QTMAN: variants seen among roughly 807,000 people sequenced by gnomAD.
The protein encoded by QTMAN is tRNA-queuosine alpha-mannosyltransferase.
the QTMAN span, among the ~76,000 whole-genome samples, chr2:143,998,921 T>C: frequency 6.6e-6 from 1 of 152,052 alleles, no homozygotes; most frequent in African/African-American, 2.4e-5. Context: ...CTATCTGTCA[T>C]TCGATAAACT....
At chr2:143,999,346 G>A in the QTMAN span, among the ~76,000 whole-genome samples, 1 of 151,646 alleles carries the variant, frequency 6.6e-6, no homozygotes, top group East Asian at 1.9e-4. Context: ...GGCATCACTA[G>A]AGAAATATAA....
At chr2:143,946,914 G>T in the QTMAN span, 1 of 628,034 alleles carries the variant, frequency 1.6e-6, no homozygotes, top group Non-Finnish European at 2.8e-6. Flanking sequence ...AGATGGCTCT[G>T]TGTCAGCTAT....
At chr2:144,145,082 T>A in the QTMAN span, among the ~76,000 whole-genome samples, 3 of 148,582 alleles carry the variant, frequency 2.0e-5, no homozygotes, top group Non-Finnish European at 4.5e-5. Context: ...GGATTCATTG[T>A]CCATAGTCTT....
chr2:144,061,686 C>A, the QTMAN span, among the ~76,000 whole-genome samples: 1 of 152,144 alleles, frequency 6.6e-6, no homozygotes, highest in South Asian at 2.1e-4. Flanking sequence ...AAACCCCACC[C>A]TCAAGCCTGG....
chr2:144,016,081 G>A, the QTMAN span, among the ~76,000 whole-genome samples: 3 of 152,064 alleles, frequency 2.0e-5, no homozygotes, highest in Non-Finnish European at 4.4e-5. Context: ...GTCAGTGAAC[G>A]ATTCACTGTG....
the QTMAN span, among the ~76,000 whole-genome samples, chr2:144,269,359 A>G: frequency 6.6e-6 from 1 of 152,232 alleles, no homozygotes; most frequent in Non-Finnish European, 1.5e-5. Context: ...TTCAAAAGAA[A>G]AGAGGAGAGA....
the QTMAN span, among the ~76,000 whole-genome samples, chr2:144,323,694 A>C: frequency 2.0e-5 from 3 of 152,226 alleles, no homozygotes. Flanking sequence ...CCAAATCCAC[A>C]GTGAATATCC....
At chr2:144,124,198 G>A in the QTMAN span, among the ~76,000 whole-genome samples, 1 of 152,100 alleles carries the variant, frequency 6.6e-6, no homozygotes, top group African/African-American at 2.4e-5. Context: ...TAGTTTATAA[G>A]AAGCAAGTGC....
chr2:144,016,801 C>T, the QTMAN span, among the ~76,000 whole-genome samples: 6 of 151,856 alleles, frequency 4.0e-5, no homozygotes, highest in South Asian at 6.2e-4. Context: ...AATACTATGG[C>T]GGAAAAAGGG....
the QTMAN span, chr2:144,141,891 T>A: frequency 1.2e-6 from 2 of 1,609,848 alleles, no homozygotes; most frequent in Non-Finnish European, 1.7e-6. Flanking sequence ...CCTGCTCACA[T>A]CAGGAAACCT....
chr2:144,002,017 A>C, the QTMAN span, among the ~76,000 whole-genome samples: 1 of 151,888 alleles, frequency 6.6e-6, no homozygotes, highest in Non-Finnish European at 1.5e-5. Flanking sequence ...AACTATTTTC[A>C]TAAGGATAAC....
the QTMAN span, among the ~76,000 whole-genome samples, chr2:144,293,226 T>C: frequency 8.0e-4 from 121 of 152,192 alleles, no homozygotes; most frequent in Middle Eastern, 3.4e-3. Context: ...AGAAAAACCA[T>C]AGAGATGCAT....
chr2:143,941,707 A>C, the QTMAN span: 1 of 151,692 alleles, frequency 6.6e-6, no homozygotes, highest in Non-Finnish European at 1.5e-5. Context: ...TGGCCACACT[A>C]CATAGTCTCT....
chr2:144,005,929 G>C, the QTMAN span: 1 of 152,070 alleles, frequency 6.6e-6, no homozygotes, highest in Admixed American at 6.6e-5. Flanking sequence ...TGATTTTCCT[G>C]CAATAAATAG....
chr2:144,208,384 A>G, the QTMAN span, among the ~76,000 whole-genome samples: 1 of 152,162 alleles, frequency 6.6e-6, no homozygotes, highest in Admixed American at 6.5e-5. Flanking sequence ...GAGAAAACAC[A>G]TATGGTTGGT....
At chr2:144,206,109 T>C in the QTMAN span, among the ~76,000 whole-genome samples, 2 of 152,324 alleles carry the variant, frequency 1.3e-5, no homozygotes, top group Admixed American at 6.5e-5. Flanking sequence ...GAGAGTAAGC[T>C]TATAATAGCA....
the QTMAN span, among the ~76,000 whole-genome samples, chr2:143,975,273 T>G: frequency 6.6e-6 from 1 of 152,244 alleles, no homozygotes; most frequent in Admixed American, 6.5e-5. Flanking sequence ...AAATATTTAT[T>G]GAGGATTTCT....
the QTMAN span, among the ~76,000 whole-genome samples, chr2:144,241,493 A>G: frequency 1.3e-5 from 2 of 152,226 alleles, no homozygotes; most frequent in South Asian, 2.1e-4. Context: ...TGTCAGATAG[A>G]TATCATTACC....
the QTMAN span, among the ~76,000 whole-genome samples, chr2:144,262,095 G>A: frequency 6.6e-6 from 1 of 152,090 alleles, no homozygotes; most frequent in African/African-American, 2.4e-5. Context: ...CCCACAGAAT[G>A]GAAATGGCAA....
Sources: gnomAD v4.1 joint callset for allele counts (sites outside exome capture counted in the v4.1 genomes callset) on GRCh38, gnomAD v4.1.1 for gene constraint, MANE v1.5 for transcripts, NCBI Gene and HGNC (gene_info 2026-07-23, HGNC 2026-07-21) for gene names.